The following DCC variants were observed in gnomAD, a reference collection of about 807,000 sequenced individuals.
The protein encoded by DCC is netrin receptor DCC.
In DCC, 58 loss-of-function variants were observed where a neutral mutation model predicts 172.5. The observed-to-expected ratio is 0.34, with a 90% CI of 0.27 to 0.42. The LOEUF is 0.42. DCC is among the 10% of genes least tolerant of loss of function. DCC has a pLI of 1.00. For synonymous variants in DCC, 709 were observed against 644.5 expected (o/e 1.10, Z -1.52); for missense variants, 1,740 against 1,791.0 (o/e 0.97, Z 0.51).
chr18:52,926,919 A>T (rs1454568111), intron 5 of DCC, among the ~76,000 whole-genome samples: 2 of 106,658 alleles, frequency 1.9e-5, no homozygotes, highest in African/African-American at 6.4e-5. Context: ...ATACGTATAC[A>T]TATATATGTA....
At chr18:53,363,602 A>G (rs1053771761) in intron 15 of DCC, among the ~76,000 whole-genome samples, 1 of 151,988 alleles carries the variant, frequency 6.6e-6, no homozygotes, top group East Asian at 1.9e-4. Flanking sequence ...ACACACACAT[A>G]TGGTCGCTTT....
intron 1 of DCC, among the ~76,000 whole-genome samples, chr18:52,705,129 A>G (rs2036184890): frequency 6.6e-6 from 1 of 152,218 alleles, no homozygotes; most frequent in Admixed American, 6.5e-5. Context: ...TTCATACACC[A>G]TACATAAATG....
chr18:53,222,389 T>TC (rs1023440818), intron 12 of DCC, among the ~76,000 whole-genome samples: 3 of 134,086 alleles, frequency 2.2e-5, no homozygotes, highest in African/African-American at 3.2e-5. Context: ...TTTTCTTTTT[T>TC]TTTTTTTTTT....
intron 1 of DCC, among the ~76,000 whole-genome samples, chr18:52,405,516 A>G (rs1409739829): frequency 6.6e-6 from 1 of 150,948 alleles, no homozygotes; most frequent in African/African-American, 2.4e-5. Flanking sequence ...GGTTGTTTGT[A>G]TACACCAACA....
intron 2 of DCC, among the ~76,000 whole-genome samples, chr18:52,885,115 C>G (rs1321545243): frequency 6.6e-6 from 1 of 152,092 alleles, no homozygotes; most frequent in African/African-American, 2.4e-5. Context: ...CTGAAGCAAA[C>G]ACAACACTGG....
chr18:53,213,019 TGTG>T (rs2055782572), intron 11 of DCC, among the ~76,000 whole-genome samples: 1 of 152,224 alleles, frequency 6.6e-6, no homozygotes, highest in South Asian at 2.1e-4. Context: ...CTTATAAAAT[TGTG>T]GTAGCTACAG....
At chr18:52,562,784 A>AT (rs1182411031) in intron 1 of DCC, among the ~76,000 whole-genome samples, 1 of 151,996 alleles carries the variant, frequency 6.6e-6, no homozygotes, top group Non-Finnish European at 1.5e-5. Flanking sequence ...CATTTTCTTT[A>AT]TTTTTTTATT....
intron 5 of DCC, among the ~76,000 whole-genome samples, chr18:53,035,719 G>C (rs2042083736): frequency 6.6e-6 from 1 of 151,904 alleles, no homozygotes; most frequent in Non-Finnish European, 1.5e-5. Context: ...CATGTAACGG[G>C]GTAGTTGGCA....
chr18:53,100,465 G>A (rs1365393485), intron 7 of DCC, among the ~76,000 whole-genome samples: 3 of 152,164 alleles, frequency 2.0e-5, no homozygotes, highest in Admixed American at 1.3e-4. Flanking sequence ...AACTGTTTCA[G>A]TGTTGAAGTA....
intron 14 of DCC, among the ~76,000 whole-genome samples, chr18:53,327,462 T>C (rs1391805176): frequency 6.6e-6 from 1 of 152,156 alleles, no homozygotes; most frequent in African/African-American, 2.4e-5. Flanking sequence ...ATACTTTTGT[T>C]TTTGGAGTGA....
intron 2 of DCC, among the ~76,000 whole-genome samples, chr18:52,829,488 A>G (rs913227444): frequency 1.2e-4 from 18 of 152,190 alleles, no homozygotes; most frequent in Non-Finnish European, 2.2e-4. Context: ...ATGCCTCCAG[A>G]GAGATAGGGC....
At chr18:52,968,574 A>T (rs79814043) in intron 5 of DCC, among the ~76,000 whole-genome samples, 113 of 152,140 alleles carry the variant, frequency 7.4e-4, no homozygotes, top group Non-Finnish European at 6.9e-4. Context: ...CACAGCACAG[A>T]CCTCAAGATA....
intron 13 of DCC, among the ~76,000 whole-genome samples, chr18:53,315,841 A>G (rs1297907993): frequency 6.6e-6 from 1 of 151,974 alleles, no homozygotes; most frequent in Non-Finnish European, 1.5e-5. Context: ...AATTTGTTTA[A>G]GTTCCTTGTA....
At chr18:53,188,087 C>CTGG (rs2055311523) in intron 9 of DCC, among the ~76,000 whole-genome samples, 1 of 152,176 alleles carries the variant, frequency 6.6e-6, no homozygotes, top group African/African-American at 2.4e-5. Flanking sequence ...AATTATAACT[C>CTGG]TGGGTACCCA....
At chr18:53,280,642 A>AT (rs201994541) in intron 12 of DCC, among the ~76,000 whole-genome samples, 6 of 151,352 alleles carry the variant, frequency 4.0e-5, no homozygotes, top group Non-Finnish European at 7.4e-5. Flanking sequence ...GGTATGAAAT[A>AT]TTTTTTTTTC....
chr18:52,797,996 G>T (rs2037909508), intron 2 of DCC, among the ~76,000 whole-genome samples: 2 of 144,326 alleles, frequency 1.4e-5, no homozygotes, highest in Admixed American at 6.7e-5. Flanking sequence ...CCTCCATATG[G>T]TGCCTTTGGA....
chr18:53,476,797 C>T (rs1479809853), intron 25 of DCC, among the ~76,000 whole-genome samples: 2 of 152,176 alleles, frequency 1.3e-5, no homozygotes, highest in East Asian at 3.9e-4. Flanking sequence ...AGATGCCAGG[C>T]ATTTCACTTT....
At chr18:52,588,740 G>C (rs2033732219) in intron 1 of DCC, among the ~76,000 whole-genome samples, 1 of 152,070 alleles carries the variant, frequency 6.6e-6, no homozygotes, top group East Asian at 1.9e-4. Flanking sequence ...TAAAGACCCA[G>C]TGGAAGCAGG....
Position 52,366,600 on chromosome 18 carries a change from C to T in DCC, c.91+25722C>T, listed in dbSNP as rs569619356. ...ACCAGAGCAGCTAGATACAGAGTGT[C>T]GATTGGTGCGCTCAGAAACCTTGAG... On this transcript the variant is annotated intron_variant, in intron 1 of 28. Transcript: ENST00000442544. Among the ~76,000 whole-genome samples the T allele has an allele frequency of 4.6e-5, 7 of 151,868 alleles. No individual in the cohort carries two copies. In the South Asian group the frequency reaches 6.2e-4, roughly 14 times the overall value.
Sources: gnomAD v4.1 joint callset for allele counts (sites outside exome capture counted in the v4.1 genomes callset) on GRCh38, gnomAD v4.1.1 for gene constraint, MANE v1.5 for transcripts, NCBI Gene and HGNC (gene_info 2026-07-23, HGNC 2026-07-21) for gene names.